Variants in GRM8 observed in about 807,000 individuals in gnomAD.
GRM8 encodes the protein metabotropic glutamate receptor 8.
A neutral mutation model predicts 87.2 loss-of-function variants in GRM8; 47 were observed. The ratio of observed to expected loss-of-function variants is 0.54; its 90% CI spans 0.43 to 0.69. GRM8 has a LOEUF of 0.69. Ranked by LOEUF, GRM8 falls within the 30% of genes least tolerant of loss-of-function variation. The pLI, the probability that GRM8 is intolerant of heterozygous loss-of-function variation, is 0.00. For missense variants in GRM8, 1,019 were observed against 1,139.2 expected, an observed-to-expected ratio of 0.89 and a Z score of 1.52; for synonymous variants, 396 against 404.5, an observed-to-expected ratio of 0.98 and a Z score of 0.25.
chr7:126,641,927 T>A (rs1802433508), intron 7 of GRM8, among the ~76,000 whole-genome samples: 1 of 152,208 alleles, frequency 6.6e-6, no homozygotes, highest in Admixed American at 6.5e-5. Context: ...TAACCTCCTG[T>A]CTTCCAGTTA....
chr7:127,038,550 C>T (rs377554201), intron 3 of GRM8, among the ~76,000 whole-genome samples: 9 of 151,928 alleles, frequency 5.9e-5, no homozygotes, highest in Non-Finnish European at 8.8e-5. Context: ...TAATAAGCTT[C>T]GAGTGAACTC....
chr7:127,122,124 T>C (rs1827122207), intron 2 of GRM8, among the ~76,000 whole-genome samples: 1 of 152,186 alleles, frequency 6.6e-6, no homozygotes, highest in Admixed American at 6.5e-5. Context: ...ACTGCTATTC[T>C]TCAGCAGATC....
At chr7:126,882,082 T>A (rs2130999786) in intron 6 of GRM8, among the ~76,000 whole-genome samples, 1 of 152,326 alleles carries the variant, frequency 6.6e-6, no homozygotes, top group Non-Finnish European at 1.5e-5. Context: ...TGGATGCCAT[T>A]CCTCTTCCTT....
chr7:127,152,136 A>C (rs770165806), intron 2 of GRM8, among the ~76,000 whole-genome samples: 4 of 152,236 alleles, frequency 2.6e-5, no homozygotes, highest in Admixed American at 6.5e-5. Flanking sequence ...AGACAGACAG[A>C]GTGGGAAGGG....
intron 8 of GRM8, among the ~76,000 whole-genome samples, chr7:126,547,472 C>T (rs1221250438): frequency 6.6e-6 from 1 of 151,494 alleles, no homozygotes; most frequent in Non-Finnish European, 1.5e-5. Flanking sequence ...ATATCTGATA[C>T]ATTATCATTC....
intron 3 of GRM8, among the ~76,000 whole-genome samples, chr7:127,073,469 C>T (rs1821935850): frequency 6.6e-6 from 1 of 152,182 alleles, no homozygotes; most frequent in African/African-American, 2.4e-5. Flanking sequence ...GAAGCTTCCA[C>T]TTACTCTTTC....
chr7:127,133,565 G>A (rs185916838), intron 2 of GRM8, among the ~76,000 whole-genome samples: 1 of 151,738 alleles, frequency 6.6e-6, no homozygotes, highest in Non-Finnish European at 1.5e-5. Flanking sequence ...AATTAGTCAG[G>A]CATGGTGGCA....
At chr7:126,777,860 A>G (rs2151630583) in intron 6 of GRM8, among the ~76,000 whole-genome samples, 1 of 152,302 alleles carries the variant, frequency 6.6e-6, no homozygotes, top group East Asian at 1.9e-4. Flanking sequence ...AAATGGCTGA[A>G]ATTCCCAAGC....
chr7:126,781,075 G>T (rs1229445087), intron 6 of GRM8, among the ~76,000 whole-genome samples: 1 of 152,130 alleles, frequency 6.6e-6, no homozygotes, highest in African/African-American at 2.4e-5. Flanking sequence ...CTAGGTTCTC[G>T]GCTTAAGTAT....
At chr7:127,029,857 T>C (rs1445768655) in intron 3 of GRM8, among the ~76,000 whole-genome samples, 1 of 152,066 alleles carries the variant, frequency 6.6e-6, no homozygotes, top group Non-Finnish European at 1.5e-5. Flanking sequence ...ACTTTATTTT[T>C]TAGAGTTTTA....
intron 7 of GRM8, among the ~76,000 whole-genome samples, chr7:126,679,660 A>ATC (rs1194185954): frequency 6.6e-6 from 1 of 152,212 alleles, no homozygotes. Context: ...CAAGATGCTG[A>ATC]AAGAACATAA....
chr7:126,968,159 T>C (rs1317167676), intron 3 of GRM8, among the ~76,000 whole-genome samples: 1 of 152,224 alleles, frequency 6.6e-6, no homozygotes, highest in Non-Finnish European at 1.5e-5. Flanking sequence ...TGTATCACCA[T>C]CATGTTATAA....
intron 3 of GRM8, among the ~76,000 whole-genome samples, chr7:127,005,436 T>C (rs1459730101): frequency 6.6e-6 from 1 of 151,658 alleles, no homozygotes; most frequent in Non-Finnish European, 1.5e-5. Context: ...GTAGAAGTAC[T>C]AAAAAATGAA....
At chr7:127,075,092 G>T (rs1270725996) in intron 3 of GRM8, among the ~76,000 whole-genome samples, 1 of 152,156 alleles carries the variant, frequency 6.6e-6, no homozygotes, top group Non-Finnish European at 1.5e-5. Context: ...TTTGTATAAA[G>T]GCTTATTTTA....
At chr7:126,616,420 G>C (rs1214376207) in intron 7 of GRM8, among the ~76,000 whole-genome samples, 1 of 152,206 alleles carries the variant, frequency 6.6e-6, no homozygotes, top group Non-Finnish European at 1.5e-5. Flanking sequence ...ACAAGAGAAA[G>C]CAGGACAGAT....
At chr7:126,861,330 A>G (rs2130813527) in intron 6 of GRM8, among the ~76,000 whole-genome samples, 1 of 152,210 alleles carries the variant, frequency 6.6e-6, no homozygotes, top group South Asian at 2.1e-4. Flanking sequence ...TATGTCATAT[A>G]TAAATGGTAA....
chr7:126,533,577 A>G lies in GRM8; in HGVS notation c.1805T>C (p.Ile602Thr). ...ILGIIATTFV[I>T]VTFVRYNDTP... is the part of the protein sequence containing the mutation. ...GTCATTATAGCGGACAAAGGTCACGATCACAAAGGTGGTGGCGATGATTCC... is the reference window on the plus strand; with the variant it reads ...GTCATTATAGCGGACAAAGGTCACGGTCACAAAGGTGGTGGCGATGATTCC... Residue 602 changes from isoleucine (I) to threonine (T), a missense_variant, in exon 9 of 11, where the codon ATC becomes ACC. Physicochemically the swap from Ile to Thr is moderately conservative, Grantham distance 89. Coordinates refer to ENST00000339582, the MANE Select transcript of GRM8 (RefSeq NM_000845.3). 6.2e-7 allele frequency: 1 copy of G among 1,614,136 alleles called. No individual in the cohort carries two copies. Among genetic ancestry groups the G allele is most frequent in the Non-Finnish European group, 8.5e-7 (1 of 1,180,008 alleles).
chr7:126,681,656 T>C (rs1807602050), intron 7 of GRM8, among the ~76,000 whole-genome samples: 1 of 152,198 alleles, frequency 6.6e-6, no homozygotes, highest in African/African-American at 2.4e-5. Context: ...CATTCCCAAG[T>C]ACACAGACTT....
intron 3 of GRM8, among the ~76,000 whole-genome samples, chr7:126,989,961 T>C (rs7801841): frequency 6.7e-6 from 1 of 148,404 alleles, no homozygotes; most frequent in African/African-American, 2.5e-5. Flanking sequence ...AAAAAAAAAA[T>C]GGGGGATAGG....
Sources: allele counts gnomAD v4.1 joint callset (sites outside exome capture counted in the v4.1 genomes callset), GRCh38; gene constraint gnomAD v4.1.1; transcripts MANE v1.5; gene names NCBI Gene and HGNC (gene_info 2026-07-23, HGNC 2026-07-21).